The following MYH13 variants were observed in gnomAD, a reference collection of about 807,000 sequenced individuals.
MYH13 encodes myosin heavy chain 13, also known as myosin-13.
In MYH13, 177 loss-of-function variants were observed where a neutral mutation model predicts 232.1. The observed-to-expected ratio is 0.76, with a 90% CI of 0.67 to 0.86. MYH13 has a LOEUF of 0.86. MYH13 is among the 40% of genes least tolerant of loss of function. The pLI, the probability that MYH13 is intolerant of heterozygous loss-of-function variation, is 0.00. For missense variants in MYH13, 2,246 were observed against 2,405.9 expected, an observed-to-expected ratio of 0.93 and a Z score of 1.39; for synonymous variants, 884 against 923.5, an observed-to-expected ratio of 0.96 and a Z score of 0.78.
intron 23 of MYH13, among the ~76,000 whole-genome samples, chr17:10,323,454 C>T (rs1261092746): frequency 6.6e-6 from 1 of 151,934 alleles, no homozygotes; most frequent in Non-Finnish European, 1.5e-5. Flanking sequence ...GTTTGTGATA[C>T]AGCCAGGGAG....
Position 10,340,203 on chromosome 17 carries a change from C to T in MYH13, c.2003G>A (p.Ser668Asn). The change falls in exon 18 of 41, where the codon AGC becomes AAC. Residue 668 changes from serine to asparagine, a missense_variant. Coordinates refer to ENST00000252172, the MANE Select transcript of MYH13 (RefSeq NM_003802.3). ...NLNKLMTNLRSTHPHFVRCLI... is the reference protein window; with the variant it reads ...NLNKLMTNLRNTHPHFVRCLI... ...ACATCGTACAAAGTGAGGGTGGGTG[C>T]TCCTTAAGTTAGTCATCAATTTGTT... 6.2e-7 allele frequency: 1 copy of T among 1,614,006 alleles called. No individual in the cohort carries two copies. The highest frequency in any genetic ancestry group is 8.5e-7 in the Non-Finnish European group (1 of 1,179,936).
intron 26 of MYH13, among the ~76,000 whole-genome samples, chr17:10,319,391 C>G: frequency 6.6e-6 from 1 of 151,902 alleles, no homozygotes; most frequent in Non-Finnish European, 1.5e-5. Flanking sequence ...CGCCTGTAGT[C>G]CCAGCTACTC....
At chr17:10,342,359 C>G (rs1015605446) in intron 16 of MYH13, among the ~76,000 whole-genome samples, 2 of 152,012 alleles carry the variant, frequency 1.3e-5, no homozygotes, top group African/African-American at 4.8e-5. Context: ...ACGCCTGGCC[C>G]CTGTGTAACC....
chr17:10,303,165 G>A (rs771036994), intron 39 of MYH13, 31 bp downstream of exon 39: 8 of 1,594,776 alleles, frequency 5.0e-6, no homozygotes, highest in Non-Finnish European at 6.9e-6. Context: ...CTGTCTGTCT[G>A]TGGGCACTGC....
rs897252754 is a variant in MYH13 at position 10,315,810 on chromosome 17, C to T, written c.3867G>A (p.Gly1289=). 4 of 1,613,792 alleles carry T rather than the reference C, an allele frequency of 2.5e-6. No individual in the cohort carries two copies. The highest frequency in any genetic ancestry group is 2.7e-5 in the African/African-American group (2 of 74,894). ...TCTCTTCCACTCGGTGGCTCAGCTCCCCTACCAAACAGATGTGGCCCCCAC... is the reference window on the plus strand; with the variant it reads ...TCTCTTCCACTCGGTGGCTCAGCTCTCCTACCAAACAGATGTGGCCCCCAC... ...MQKARLQTQN[G]ELSHRVEEKE... The change falls in exon 29 of 41, where the codon GGG becomes GGA. Residue 1289 remains glycine, a splice_region_variant and synonymous_variant. Coordinates refer to ENST00000252172, the MANE Select transcript of MYH13 (RefSeq NM_003802.3).
chr17:10,324,267 G>A lies in MYH13; in HGVS notation c.2692-3C>T. ...GCGTCCATCAGATTTTCTGTTTCCTGAAAGAACCAGGTCATTTTATGTTTT... is the reference window on the plus strand; with the variant it reads ...GCGTCCATCAGATTTTCTGTTTCCTAAAAGAACCAGGTCATTTTATGTTTT... On this transcript the variant is annotated splice_polypyrimidine_tract_variant and splice_region_variant and intron_variant, in intron 22 of 40. Transcript: ENST00000252172. 6.2e-7 allele frequency: 1 copy of A among 1,613,114 alleles called. No individual in the cohort carries two copies. Among genetic ancestry groups the A allele is most frequent in the Non-Finnish European group, 8.5e-7 (1 of 1,179,694 alleles).
At chr17:10,347,446 C>CT (rs2071674661) in intron 12 of MYH13, among the ~76,000 whole-genome samples, 1 of 152,182 alleles carries the variant, frequency 6.6e-6, no homozygotes, top group East Asian at 1.9e-4. Context: ...GGAGCCACCA[C>CT]TTGGACAGTT....
Position 10,354,892 on chromosome 17 carries a change from T to TA in MYH13, c.901+2dup, listed in dbSNP as rs1276937384. The stretch of plus-strand genomic sequence containing the variant: ...ACATAAGAAAGGTATTCCAAGAGCT[T>TA]ACCAATTAGTTCTGGCTTCTTGTTT... On this transcript the variant is annotated splice_region_variant and intron_variant, in intron 10 of 40. Coordinates refer to ENST00000252172, the MANE Select transcript of MYH13 (RefSeq NM_003802.3). 2 of 1,596,346 alleles carry TA rather than the reference T, an allele frequency of 1.3e-6. No homozygotes were observed. The highest frequency in any genetic ancestry group is 2.7e-5 in the African/African-American group (2 of 74,448).
At chr17:10,332,947 G>A (rs1241635804) in intron 19 of MYH13, 127 bp downstream of exon 19, 1 of 776,238 alleles carries the variant, frequency 1.3e-6, no homozygotes, top group East Asian at 2.7e-5. Context: ...CCTCTAGCAA[G>A]AGATGAAGTC....
At chr17:10,327,733 C>T in intron 22 of MYH13, 133 bp downstream of exon 22, 1 of 1,117,436 alleles carries the variant, frequency 8.9e-7, no homozygotes, top group Non-Finnish European at 1.3e-6. Context: ...CAAGGTGGTG[C>T]TGCAATACTC....
Position 10,321,700 on chromosome 17 carries a change from A to T in MYH13, c.2943T>A (p.Asn981Lys), listed in dbSNP as rs1477249507. ...CAAGTGCTGTCATTTCTTCGGAAAG[A>T]TTCTTTACCTGGGACAATATTAACA... ...EKHATENKVK[N>K]LSEEMTALEE... Residue 981 changes from asparagine to lysine, a missense_variant, in exon 24 of 41, where the codon AAT becomes AAA. Coordinates refer to ENST00000252172, the MANE Select transcript of MYH13 (RefSeq NM_003802.3). 13 of 1,612,248 alleles carry T rather than the reference A, an allele frequency of 8.1e-6. No homozygotes were observed. Among genetic ancestry groups the T allele is most frequent in the Admixed American group, 3.3e-5 (2 of 59,846 alleles).
chr17:10,310,079 C>A (rs931238434), intron 33 of MYH13, among the ~76,000 whole-genome samples: 23 of 149,204 alleles, frequency 1.5e-4, no homozygotes, highest in African/African-American at 5.6e-4. Flanking sequence ...TGCCCAGAGC[C>A]CAAATAGGTT....
chr17:10,320,008 C>G (rs1334603701), intron 26 of MYH13, 145 bp downstream of exon 26: 2 of 678,544 alleles, frequency 2.9e-6, no homozygotes. Context: ...ATATTATTTT[C>G]AAAAACTAAA....
At chr17:10,315,616 A>G in intron 29 of MYH13, 77 bp downstream of exon 29, 1 of 1,296,486 alleles carries the variant, frequency 7.7e-7, no homozygotes, top group Non-Finnish European at 1.1e-6. Context: ...TTGATGTAGC[A>G]CTGCTCTGAC....
chr17:10,307,152 T>C lies in MYH13; in HGVS notation c.5170-88A>G, dbSNP rs1906323360. 4 of 1,511,144 alleles carry C rather than the reference T, an allele frequency of 2.6e-6. No homozygotes were observed. The East Asian group carries it at 9.3e-5, about 35-fold the overall frequency. The allele number at this position is 1,511,144 out of a possible 1,614,324, so 93.6% of individuals were successfully genotyped here. On this transcript the variant is annotated intron_variant, in intron 35 of 40. Coordinates refer to ENST00000252172, the MANE Select transcript of MYH13 (RefSeq NM_003802.3). ...AGGGTTGGCTGGGGAGGGAAGTAAATTGTGATCCTGTTCCATTTCTTATTT... is the reference window on the plus strand; with the variant it reads ...AGGGTTGGCTGGGGAGGGAAGTAAACTGTGATCCTGTTCCATTTCTTATTT...
intron 12 of MYH13, 25 bp downstream of exon 12, chr17:10,350,531 G>C: frequency 6.2e-7 from 1 of 1,607,492 alleles, no homozygotes; most frequent in Non-Finnish European, 8.5e-7. Flanking sequence ...GGACCCAATC[G>C]CATCCCTTTC....
intron 27 of MYH13, among the ~76,000 whole-genome samples, 166 bp downstream of exon 27, chr17:10,318,624 A>G (rs1361681640): frequency 6.6e-6 from 1 of 152,232 alleles, no homozygotes; most frequent in Non-Finnish European, 1.5e-5. Context: ...AATGGATAAG[A>G]CAAAGGACGT....
At chr17:10,348,138 G>A (rs528272431) in intron 12 of MYH13, among the ~76,000 whole-genome samples, 3 of 152,276 alleles carry the variant, frequency 2.0e-5, no homozygotes, top group East Asian at 1.9e-4. Context: ...CTCTCTCCTC[G>A]AATTATCTCC....
chr17:10,371,618 GATTAA>G (rs2071878311), intron 1 of MYH13, among the ~76,000 whole-genome samples: 1 of 152,162 alleles, frequency 6.6e-6, no homozygotes, highest in Admixed American at 6.6e-5. Context: ...CTTTGAACAG[GATTAA>G]GACAAATTTT....
Sources: gnomAD v4.1 joint callset for allele counts (sites outside exome capture counted in the v4.1 genomes callset) on GRCh38, gnomAD v4.1.1 for gene constraint, MANE v1.5 for transcripts, NCBI Gene and HGNC (gene_info 2026-07-23, HGNC 2026-07-21) for gene names.